The following DMAC1 variants were observed in gnomAD, a reference collection of about 807,000 sequenced individuals.
DMAC1 encodes the protein distal membrane-arm assembly complex protein 1.
In DMAC1, 10 loss-of-function variants were observed where a neutral mutation model predicts 7.0. The observed-to-expected ratio is 1.43, with a 90% CI of 0.88 to 2.43. DMAC1 has a LOEUF of 2.43. Among genes scored for constraint, DMAC1 ranks in the 30% most tolerant of loss-of-function variants. The probability of loss-of-function intolerance (pLI) is 0.00; values close to 1 mark genes in which losing one functional copy is unlikely to be tolerated. For missense variants in DMAC1, 219 were observed against 158.7 expected (o/e 1.38, Z -2.04); for synonymous variants, 92 against 66.2 (o/e 1.39, Z -1.90).
At position 7,798,653 on chromosome 9, in the gene DMAC1, CAAT is replaced by C. The variant is rs1818671018; in HGVS notation, c.275-19_275-17del. On this transcript the variant is annotated splice_polypyrimidine_tract_variant and intron_variant, in intron 1 of 1. Transcript: ENST00000358227. ...GTGGCAATGCCTAGAAAAAAAACAA[CAAT>C]ACCTTACCTTTATGCTGCATTTAAA... 2.6e-6 allele frequency: 4 copies of C among 1,547,180 alleles called. No individual in the cohort carries two copies. Among genetic ancestry groups the C allele is most frequent in the Non-Finnish European group, 3.5e-6 (4 of 1,142,512 alleles).
In DMAC1 at chr9:7,798,637, C is replaced by T; in HGVS notation, c.275G>A (p.Ser92Asn). ...WTITQMVIGL[S>N]IATWGIVVMA... Reference sequence around the variant, plus strand: ...GACAACGATACCCCAGGTGGCAATGCCTAGAAAAAAAACAACAATACCTTA... The same window carrying T: ...GACAACGATACCCCAGGTGGCAATGTCTAGAAAAAAAACAACAATACCTTA... The change falls in exon 2 of 2, where the codon AGC becomes AAC. Residue 92 changes from serine (S) to asparagine (N), a missense_variant and splice_region_variant. Coordinates refer to ENST00000358227, the MANE Select transcript of DMAC1 (RefSeq NM_033428.3). 6.4e-7 allele frequency: 1 copy of T among 1,555,520 alleles called. No homozygotes were observed. Among genetic ancestry groups the T allele is most frequent in the Non-Finnish European group, 8.7e-7 (1 of 1,147,098 alleles).
In DMAC1 at chr9:7,799,682, C is replaced by T. The variant is rs757226215; in HGVS notation, c.53G>A (p.Gly18Asp). Residue 18 changes from glycine to aspartate, a missense_variant, in exon 1 of 2, where the codon GGT becomes GAT. Transcript: ENST00000358227. ...AGGTTTGGCGGGCGCGGCGGCGGTA[C>T]CGGGAGGCGCAGTGATATAGGACTC... ...PFESYITAPP[G>D]TAAAPAKPAP... 1.2e-6 allele frequency: 2 copies of T among 1,600,214 alleles called. No individual in the cohort carries two copies. Among genetic ancestry groups the T allele is most frequent in the East Asian group, 2.2e-5 (1 of 44,812 alleles).
rs1207632084 is a variant in DMAC1, at chr9:7,799,735, G to A, written c.-1C>T. On this transcript the variant is annotated 5_prime_UTR_variant, in exon 1 of 2. Coordinates refer to ENST00000358227, the MANE Select transcript of DMAC1 (RefSeq NM_033428.3). ...AAGGCTGGGACAACCGAGACCCCAT[G>A]CTCTGGAACTCGGCCTCAACCTTGG... 20 of 1,520,548 alleles carry A rather than the reference G, an allele frequency of 1.3e-5. No individual in the cohort carries two copies. The highest frequency in any genetic ancestry group is 2.3e-5 in the East Asian group (1 of 43,884). 94.2% of individuals were successfully genotyped at this position (1,520,548 alleles called of 1,614,324 possible).
Position 7,799,527 on chromosome 9 carries a change from G to A in DMAC1, c.208C>T (p.Arg70Trp), listed in dbSNP as rs1250934705. The change falls in exon 1 of 2, where the codon CGG (arginine) becomes TGG (tryptophan). Residue 70 changes from arginine to tryptophan, a missense_variant. Arg to Trp is a moderately radical substitution (Grantham distance 101, BLOSUM62 -3). Transcript: ENST00000358227. ...GAGGYVYWVA[R>W]KPMKMGYPPS... Reference sequence around the variant, plus strand: ...GGGTATCCCATCTTCATGGGCTTCCGTGCCACCCAGTACACGTACCCGCCC... The same window carrying A: ...GGGTATCCCATCTTCATGGGCTTCCATGCCACCCAGTACACGTACCCGCCC... 2 of 1,613,628 alleles carry A rather than the reference G, an allele frequency of 1.2e-6. No individual in the cohort carries two copies. The highest frequency in any genetic ancestry group is 1.3e-5 in the African/African-American group (1 of 75,000).
At position 7,799,639 on chromosome 9, in the gene DMAC1, G is replaced by C. The variant is rs1408271543; in HGVS notation, c.96C>G (p.Pro32=). The C allele has an allele frequency of 1.9e-6, 3 of 1,612,518 alleles. No individual in the cohort carries two copies. Among genetic ancestry groups the C allele is most frequent in the Admixed American group, 1.7e-5 (1 of 59,986 alleles). ...APAKPAPPAT[P]GAPTSPAEHR... ...GTTCTGCTGGGGAGGTCGGCGCTCC[G>C]GGTGTAGCTGGGGGCGCAGGTTTGG... is the stretch of plus-strand genomic sequence containing the variant. The change falls in exon 1 of 2, where the codon CCC becomes CCG. Residue 32 remains proline, a synonymous_variant. Coordinates refer to ENST00000358227, the MANE Select transcript of DMAC1 (RefSeq NM_033428.3).
intron 1 of DMAC1, among the ~76,000 whole-genome samples, chr9:7,798,916 T>C (rs1365794874): frequency 2.0e-5 from 3 of 152,148 alleles, no homozygotes; most frequent in Non-Finnish European, 1.5e-5. Context: ...AAAAAAATCA[T>C]GACGTTTGAT....
At position 7,799,736 on chromosome 9, in the gene DMAC1, C is replaced by T. The variant is rs574961082; in HGVS notation, c.-2G>A. ...AGGCTGGGACAACCGAGACCCCATG[C>T]TCTGGAACTCGGCCTCAACCTTGGG... On this transcript the variant is annotated 5_prime_UTR_variant, in exon 1 of 2. Coordinates refer to ENST00000358227, the MANE Select transcript of DMAC1 (RefSeq NM_033428.3). 8 of 1,519,134 alleles carry T rather than the reference C, an allele frequency of 5.3e-6. No individual in the cohort carries two copies. In the African/African-American group the frequency reaches 9.7e-5, roughly 18 times the overall value. The allele number at this position is 1,519,134 out of a possible 1,614,324, so 94.1% of individuals were successfully genotyped here.
intron 1 of DMAC1, among the ~76,000 whole-genome samples, chr9:7,799,125 C>G (rs1334234451): frequency 6.6e-6 from 1 of 152,092 alleles, no homozygotes; most frequent in Non-Finnish European, 1.5e-5. Context: ...TACCTGGGAT[C>G]AAGTGACTGT....
Position 7,799,777 on chromosome 9 carries a change from C to G in DMAC1, c.-43G>C, listed in dbSNP as rs1586899208. 1 of 1,490,332 alleles carries G rather than the reference C, an allele frequency of 6.7e-7. No homozygotes were observed. The highest frequency in any genetic ancestry group is 2.3e-5 in the East Asian group (1 of 43,308). The allele number at this position is 1,490,332 out of a possible 1,614,324, so 92.3% of individuals were successfully genotyped here. ...CAACCTTGGGCGTCTTTGGTTCAAA[C>G]TGGCGTAAACGACGCACCGGAAGGC... On this transcript the variant is annotated 5_prime_UTR_variant, in exon 1 of 2. Transcript: ENST00000358227.
rs569979930 is a variant in DMAC1 at position 7,796,976 on chromosome 9, C to G, written c.*1597G>C. 2.6e-5 allele frequency: 4 copies of G among 152,126 alleles called. No homozygotes were observed. The highest frequency in any genetic ancestry group is 2.4e-5 in the African/African-American group (1 of 41,400). The allele number at this position is 152,126 out of a possible 1,614,324, so 9.4% of individuals were successfully genotyped here. A position where few individuals can be genotyped will look rare whatever the true frequency, so the allele number is the denominator to read the frequency against. ...GAGCAAATGTTCAGCGCTCTTAACT[C>G]CTGTGTTGTCCAAGGGTCAACTGTA... On this transcript the variant is annotated 3_prime_UTR_variant, in exon 2 of 2. Coordinates refer to ENST00000358227, the MANE Select transcript of DMAC1 (RefSeq NM_033428.3).
chr9:7,799,525 C>G lies in DMAC1; in HGVS notation c.210G>C (p.Arg70=). ...GAGGYVYWVA[R]KPMKMGYPPS... is the part of the protein sequence containing the mutation. ...GGGGGTATCCCATCTTCATGGGCTT[C>G]CGTGCCACCCAGTACACGTACCCGC... is the stretch of plus-strand genomic sequence containing the variant. Residue 70 remains arginine (R), a synonymous_variant, in exon 1 of 2, where the codon CGG becomes CGC. Coordinates refer to ENST00000358227, the MANE Select transcript of DMAC1 (RefSeq NM_033428.3). 2 of 1,613,746 alleles carry G rather than the reference C, an allele frequency of 1.2e-6. No individual in the cohort carries two copies. The highest frequency in any genetic ancestry group is 1.7e-6 in the Non-Finnish European group (2 of 1,180,018).
chr9:7,798,619 A>G lies in DMAC1; in HGVS notation c.293T>C (p.Ile98Thr). The change falls in exon 2 of 2, where the codon ATC becomes ACC. Residue 98 changes from isoleucine to threonine, a missense_variant. By Grantham distance (89) the Ile-to-Thr change is moderately conservative. Transcript: ENST00000358227. ...CCCTTTGGGGTCTGCCATGACAACG[A>G]TACCCCAGGTGGCAATGCCTAGAAA... is the stretch of plus-strand genomic sequence containing the variant. ...VIGLSIATWG[I>T]VVMADPKGKA... is the part of the protein sequence containing the mutation. 6.3e-7 allele frequency: 1 copy of G among 1,591,436 alleles called. No individual in the cohort carries two copies. Among genetic ancestry groups the G allele is most frequent in the Non-Finnish European group, 8.6e-7 (1 of 1,165,264 alleles).
Position 7,798,148 on chromosome 9 carries a change from T to C in DMAC1, c.*425A>G, listed in dbSNP as rs1481092242. On this transcript the variant is annotated 3_prime_UTR_variant, in exon 2 of 2. Coordinates refer to ENST00000358227, the MANE Select transcript of DMAC1 (RefSeq NM_033428.3). ...TGAAGTAAAATAGCTAATTTTCCCGTTGGTTTACCATATGCTGTATTTAAA... is the reference window on the plus strand; with the variant it reads ...TGAAGTAAAATAGCTAATTTTCCCGCTGGTTTACCATATGCTGTATTTAAA... 6.5e-6 allele frequency: 1 copy of C among 152,852 alleles called. No individual in the cohort carries two copies. Among genetic ancestry groups the C allele is most frequent in the Non-Finnish European group, 1.5e-5 (1 of 68,500 alleles). The allele number at this position is 152,852 out of a possible 1,614,324, so 9.5% of individuals were successfully genotyped here.
chr9:7,798,649 A>G lies in DMAC1; in HGVS notation c.275-12T>C, dbSNP rs779032762. 1 of 1,550,306 alleles carries G rather than the reference A, an allele frequency of 6.5e-7. No individual in the cohort carries two copies. Among genetic ancestry groups the G allele is most frequent in the Non-Finnish European group, 8.7e-7 (1 of 1,145,134 alleles). ...CCAGGTGGCAATGCCTAGAAAAAAA[A>G]CAACAATACCTTACCTTTATGCTGC... On this transcript the variant is annotated splice_polypyrimidine_tract_variant and intron_variant, in intron 1 of 1. Transcript: ENST00000358227.
chr9:7,797,877 A>G lies in DMAC1; in HGVS notation c.*696T>C, dbSNP rs1818645834. The G allele has an allele frequency of 6.6e-6, 1 of 152,338 alleles. No homozygotes were observed. The highest frequency in any genetic ancestry group is 2.4e-5 in the African/African-American group (1 of 41,582). The allele number at this position is 152,338 out of a possible 1,614,324, so 9.4% of individuals were successfully genotyped here. A position where few individuals can be genotyped will look rare whatever the true frequency, so the allele number is the denominator to read the frequency against. ...TTCTAGCTCCATCACGGACTTACTG[A>G]ATGACCCTAGGCAAATCATGTGGGC... On this transcript the variant is annotated 3_prime_UTR_variant, in exon 2 of 2. Coordinates refer to ENST00000358227, the MANE Select transcript of DMAC1 (RefSeq NM_033428.3).
At chr9:7,799,384 GCCC>G (rs2129804149) in intron 1 of DMAC1, 74 bp downstream of exon 1, 20 of 1,515,580 alleles carry the variant, frequency 1.3e-5, no homozygotes, top group Middle Eastern at 5.0e-4. Flanking sequence ...CCGCCTCCCC[GCCC>G]ACGTGGCTGC....
In DMAC1 at chr9:7,799,730, C is replaced by G; in HGVS notation, c.5G>C (p.Gly2Ala). M[G>A]SRLSQPFESY... ...CTCAAAAGGCTGGGACAACCGAGAC[C>G]CCATGCTCTGGAACTCGGCCTCAAC... is the stretch of plus-strand genomic sequence containing the variant. The change falls in exon 1 of 2, where the codon GGG (glycine) becomes GCG (alanine). Residue 2 changes from glycine (G) to alanine (A), a missense_variant. By Grantham distance (60) the Gly-to-Ala change is moderately conservative. Transcript: ENST00000358227. The G allele has an allele frequency of 6.6e-7, 1 of 1,526,146 alleles. No homozygotes were observed. Among genetic ancestry groups the G allele is most frequent in the Non-Finnish European group, 8.8e-7 (1 of 1,141,022 alleles). 94.5% of individuals were successfully genotyped at this position (1,526,146 alleles called of 1,614,324 possible). A position where few individuals can be genotyped will look rare whatever the true frequency, so the allele number is the denominator to read the frequency against.
Position 7,799,759 on chromosome 9 carries a change from G to C in DMAC1, c.-25C>G, listed in dbSNP as rs1050844967. The C allele has an allele frequency of 4.0e-6, 6 of 1,500,546 alleles. No homozygotes were observed. Among genetic ancestry groups the C allele is most frequent in the Middle Eastern group, 3.9e-4 (2 of 5,094 alleles). 93.0% of individuals were successfully genotyped at this position (1,500,546 alleles called of 1,614,324 possible). ...TGCTCTGGAACTCGGCCTCAACCTT[G>C]GGCGTCTTTGGTTCAAACTGGCGTA... On this transcript the variant is annotated 5_prime_UTR_variant, in exon 1 of 2. Coordinates refer to ENST00000358227, the MANE Select transcript of DMAC1 (RefSeq NM_033428.3).
At chr9:7,799,412 C>T (rs374271428) in intron 1 of DMAC1, 49 bp downstream of exon 1, 52 of 1,601,282 alleles carry the variant, frequency 3.2e-5, no homozygotes, top group Non-Finnish European at 3.9e-5. Flanking sequence ...TTTCCTTCCT[C>T]TACCCCGCAG....
Sources: gnomAD v4.1 joint callset for allele counts (sites outside exome capture counted in the v4.1 genomes callset) on GRCh38, gnomAD v4.1.1 for gene constraint, MANE v1.5 for transcripts, NCBI Gene and HGNC (gene_info 2026-07-23, HGNC 2026-07-21) for gene names.